LRRIQ1: variants seen among roughly 807,000 people sequenced by gnomAD.
LRRIQ1 encodes leucine rich repeats and IQ motif containing 1.
Under a neutral mutation model 211.9 loss-of-function variants are expected in LRRIQ1, and 210 were observed. That is an observed-to-expected ratio of 0.99 (90% CI 0.89 to 1.11). The LOEUF (loss-of-function observed/expected upper bound fraction) is 1.11, where lower values mean the gene tolerates loss of function less well. LRRIQ1 is among the 50% of genes most tolerant of loss of function. LRRIQ1 has a pLI of 0.00. For synonymous variants in LRRIQ1, 699 were observed against 650.1 expected (o/e 1.08, Z -1.14); for missense variants, 2,136 against 1,939.5 (o/e 1.10, Z -1.90).
At chr12:85,213,487 A>G (rs1472561412) in intron 24 of LRRIQ1, among the ~76,000 whole-genome samples, 5 of 152,012 alleles carry the variant, frequency 3.3e-5, no homozygotes, top group Admixed American at 1.3e-4. Flanking sequence ...GTTTAATAAA[A>G]TTTTCCTAAA....
chr12:85,126,400 T>G (rs181888080), intron 17 of LRRIQ1, among the ~76,000 whole-genome samples: 1 of 152,312 alleles, frequency 6.6e-6, no homozygotes, highest in Admixed American at 6.5e-5. Context: ...ACTGGTTACA[T>G]ATTACAAATG....
intron 15 of LRRIQ1, among the ~76,000 whole-genome samples, chr12:85,114,477 A>G (rs1164118864): frequency 1.3e-5 from 2 of 152,142 alleles, no homozygotes; most frequent in African/African-American, 2.4e-5. Context: ...TAATCTTTCA[A>G]TGTATTTTTT....
intron 11 of LRRIQ1, 70 bp from the exon 12 acceptor site, chr12:85,098,285 A>G (rs1886066895): frequency 1.9e-6 from 2 of 1,044,924 alleles, no homozygotes; most frequent in East Asian, 2.6e-5. Flanking sequence ...TTTAGAAAAA[A>G]AATGGAAACT....
At chr12:85,241,267 C>T (rs1304461718) in intron 26 of LRRIQ1, among the ~76,000 whole-genome samples, 6 of 151,938 alleles carry the variant, frequency 3.9e-5, no homozygotes, top group Admixed American at 3.9e-4. Flanking sequence ...GGTCTTTGCA[C>T]TTTACGGCAT....
At chr12:85,235,357 A>G (rs1465852461) in intron 26 of LRRIQ1, among the ~76,000 whole-genome samples, 1 of 152,178 alleles carries the variant, frequency 6.6e-6, no homozygotes, top group Non-Finnish European at 1.5e-5. Context: ...TTTATGTTTG[A>G]ATGCAGAGAG....
At chr12:85,055,515 T>G in intron 7 of LRRIQ1, 32 bp from the exon 8 acceptor site, 1 of 1,399,140 alleles carries the variant, frequency 7.1e-7, no homozygotes, top group South Asian at 1.8e-5. Flanking sequence ...GTTTAGTTTA[T>G]GCTGACTACC....
chr12:85,218,679 G>A (rs531897944), intron 24 of LRRIQ1, among the ~76,000 whole-genome samples: 5 of 152,090 alleles, frequency 3.3e-5, no homozygotes, highest in Admixed American at 2.6e-4. Flanking sequence ...CAGATTCCAG[G>A]ACCTCTTGTA....
chr12:85,206,285 G>A (rs1361834825), intron 24 of LRRIQ1, among the ~76,000 whole-genome samples: 1 of 152,202 alleles, frequency 6.6e-6, no homozygotes, highest in Non-Finnish European at 1.5e-5. Flanking sequence ...GTGCTGGCAG[G>A]CACTGGTGAG....
intron 1 of LRRIQ1, 105 bp from the exon 2 acceptor site, chr12:85,038,048 T>C (rs1878388975): frequency 1.5e-6 from 1 of 675,894 alleles, no homozygotes; most frequent in Non-Finnish European, 2.1e-6. Flanking sequence ...GTGATAAAAG[T>C]TTGTTAAATT....
At chr12:85,160,765 A>G (rs942360576) in intron 24 of LRRIQ1, 51 bp downstream of exon 24, 3 of 997,504 alleles carry the variant, frequency 3.0e-6, no homozygotes, top group Non-Finnish European at 4.4e-6. Flanking sequence ...AAGAAAGATT[A>G]AAAGAATTAT....
chr12:85,099,363 C>A (rs762945034), intron 13 of LRRIQ1, among the ~76,000 whole-genome samples: 2 of 151,774 alleles, frequency 1.3e-5, no homozygotes, highest in African/African-American at 2.4e-5. Context: ...TCAAATGGTA[C>A]TTATTAAGTC....
At chr12:85,254,797 G>A (rs1896042655) in intron 1 of LRRIQ1, among the ~76,000 whole-genome samples, 1 of 151,954 alleles carries the variant, frequency 6.6e-6, no homozygotes. Context: ...ATTAAAATAT[G>A]TGTTCATGTA....
intron 24 of LRRIQ1, among the ~76,000 whole-genome samples, chr12:85,197,495 G>A (rs1892987578): frequency 6.6e-6 from 1 of 150,512 alleles, no homozygotes; most frequent in South Asian, 2.1e-4. Flanking sequence ...ATACTATGCA[G>A]CCATAAAAAA....
intron 1 of LRRIQ1, among the ~76,000 whole-genome samples, chr12:85,036,624 G>T (rs1465480963): frequency 2.0e-5 from 3 of 152,160 alleles, no homozygotes; most frequent in Non-Finnish European, 2.9e-5. Flanking sequence ...TCTTGGCTAT[G>T]TAGGGATCAT....
At chr12:85,185,019 T>A (rs145520420) in intron 24 of LRRIQ1, among the ~76,000 whole-genome samples, 170 of 152,042 alleles carry the variant, frequency 1.1e-3, no homozygotes, top group Middle Eastern at 3.4e-3. Context: ...CAAAAGAAAT[T>A]CTCAGTGTTG....
At chr12:85,239,937 C>A (rs1200333564) in intron 26 of LRRIQ1, among the ~76,000 whole-genome samples, 1 of 152,016 alleles carries the variant, frequency 6.6e-6, no homozygotes, top group Non-Finnish European at 1.5e-5. Context: ...GAGATCACAC[C>A]ACTGCACTGC....
intron 25 of LRRIQ1, 117 bp downstream of exon 25, chr12:85,229,766 G>A (rs894817267): frequency 6.0e-5 from 57 of 957,476 alleles, no homozygotes; most frequent in Non-Finnish European, 7.9e-5. Context: ...AATACGCTAC[G>A]TTGCCGGGTA....
intron 24 of LRRIQ1, among the ~76,000 whole-genome samples, chr12:85,197,080 C>T (rs897242702): frequency 5.3e-5 from 8 of 152,118 alleles, no homozygotes; most frequent in Non-Finnish European, 1.2e-4. Context: ...TGAAAAAATG[C>T]TCATCATCAC....
chr12:85,176,256 C>T (rs1054803401), intron 24 of LRRIQ1, among the ~76,000 whole-genome samples: 8 of 151,966 alleles, frequency 5.3e-5, no homozygotes, highest in African/African-American at 1.7e-4. Context: ...GTATTTGATT[C>T]TCTTTGAAGC....
Sources: allele counts gnomAD v4.1 joint callset (sites outside exome capture counted in the v4.1 genomes callset), GRCh38; gene constraint gnomAD v4.1.1; transcripts MANE v1.5; gene names NCBI Gene and HGNC (gene_info 2026-07-23, HGNC 2026-07-21).